FSTL5: variants seen among roughly 807,000 people sequenced by gnomAD.
The protein encoded by FSTL5 is follistatin-related protein 5.
FSTL5 carries 62 observed loss-of-function variants against 89.1 expected under a neutral mutation model. That is an observed-to-expected ratio of 0.70 (90% CI 0.57 to 0.86). The LOEUF (loss-of-function observed/expected upper bound fraction) is 0.86, where lower values mean the gene tolerates loss of function less well. Ranked by LOEUF, FSTL5 falls within the 40% of genes least tolerant of loss-of-function variation. The pLI is 0.00. For missense variants in FSTL5, 1,057 were observed against 1,001.6 expected (o/e 1.06, Z -0.75); for synonymous variants, 383 against 346.2 (o/e 1.11, Z -1.18).
At chr4:161,867,503 C>G (rs1414943445) in intron 4 of FSTL5, among the ~76,000 whole-genome samples, 1 of 151,558 alleles carries the variant, frequency 6.6e-6, no homozygotes, top group Non-Finnish European at 1.5e-5. Context: ...TAAAATACAT[C>G]AAAATTATAT....
chr4:161,702,755 T>C (rs1243274243), intron 6 of FSTL5, among the ~76,000 whole-genome samples: 3 of 152,258 alleles, frequency 2.0e-5, no homozygotes, highest in South Asian at 2.1e-4. Flanking sequence ...ACTTCACTTA[T>C]TGCTGAGCCT....
At chr4:161,646,727 T>C (rs1189833927) in intron 7 of FSTL5, among the ~76,000 whole-genome samples, 1 of 152,140 alleles carries the variant, frequency 6.6e-6, no homozygotes, top group African/African-American at 2.4e-5. Flanking sequence ...TTCAACAGAA[T>C]GCCTTGCTTT....
At chr4:161,771,651 C>T (rs1741214600) in intron 5 of FSTL5, among the ~76,000 whole-genome samples, 1 of 152,016 alleles carries the variant, frequency 6.6e-6, no homozygotes, top group Non-Finnish European at 1.5e-5. Context: ...CCATCTTAAT[C>T]TTTGTTGATG....
intron 6 of FSTL5, among the ~76,000 whole-genome samples, chr4:161,670,489 C>G (rs1737061277): frequency 6.6e-6 from 1 of 152,152 alleles, no homozygotes; most frequent in Non-Finnish European, 1.5e-5. Flanking sequence ...TCAGTCAGAG[C>G]TAAATTAATG....
Position 161,841,478 on chromosome 4 carries a change from T to C in FSTL5, c.410-65404A>G, listed in dbSNP as rs112710173. On this transcript the variant is annotated intron_variant, in intron 4 of 15. Coordinates refer to ENST00000306100, the MANE Select transcript of FSTL5 (RefSeq NM_020116.5). ...TGCTTTAAGGCTCCTTATATAATAT[T>C]TGGAATCAAAATCCCATAGATGGAC... 4.6e-3 allele frequency among the ~76,000 whole-genome samples: 700 copies of C among 152,256 alleles called. 5 individuals carry two copies. The highest frequency in any genetic ancestry group is 0.016 in the African/African-American group (653 of 41,540).
intron 7 of FSTL5, among the ~76,000 whole-genome samples, chr4:161,626,151 C>T (rs543066762): frequency 6.6e-6 from 1 of 152,134 alleles, no homozygotes; most frequent in Non-Finnish European, 1.5e-5. Context: ...AAGCTGACTA[C>T]ACTACACAAA....
intron 6 of FSTL5, among the ~76,000 whole-genome samples, chr4:161,687,643 T>C (rs1275217359): frequency 1.3e-5 from 2 of 152,184 alleles, no homozygotes; most frequent in African/African-American, 4.8e-5. Flanking sequence ...CTCACTCACA[T>C]CTTAATGGGG....
chr4:161,563,451 A>G (rs1237233522), intron 8 of FSTL5, among the ~76,000 whole-genome samples: 4 of 151,946 alleles, frequency 2.6e-5, no homozygotes, highest in East Asian at 1.9e-4. Flanking sequence ...CATTCTGACC[A>G]TCCGTTATTT....
intron 13 of FSTL5, among the ~76,000 whole-genome samples, chr4:161,470,361 C>T (rs1733894341): frequency 1.3e-5 from 2 of 151,384 alleles, no homozygotes; most frequent in South Asian, 4.2e-4. Flanking sequence ...GCCATTGCCC[C>T]ACTGAATGGT....
intron 2 of FSTL5, among the ~76,000 whole-genome samples, chr4:162,103,694 T>C (rs1731091468): frequency 6.6e-6 from 1 of 152,188 alleles, no homozygotes; most frequent in Non-Finnish European, 1.5e-5. Flanking sequence ...GACCACTTAC[T>C]GTCCCCTACT....
chr4:161,491,005 C>G (rs958346960), intron 12 of FSTL5, among the ~76,000 whole-genome samples: 7 of 152,072 alleles, frequency 4.6e-5, no homozygotes, highest in African/African-American at 1.7e-4. Flanking sequence ...CTTCATTTTA[C>G]ATGAAAACAG....
intron 4 of FSTL5, among the ~76,000 whole-genome samples, chr4:161,814,448 T>C (rs1291275695): frequency 2.6e-5 from 4 of 152,200 alleles, no homozygotes; most frequent in Non-Finnish European, 5.9e-5. Flanking sequence ...ATTTCAATGT[T>C]TGAACTGATT....
chr4:162,147,739 G>A (rs1375029921), intron 1 of FSTL5, among the ~76,000 whole-genome samples: 1 of 152,154 alleles, frequency 6.6e-6, no homozygotes, highest in Non-Finnish European at 1.5e-5. Flanking sequence ...TGGGCCAGGA[G>A]CGGTGGCTCA....
intron 4 of FSTL5, among the ~76,000 whole-genome samples, chr4:161,824,219 C>T (rs1039868142): frequency 6.6e-6 from 1 of 152,156 alleles, no homozygotes; most frequent in African/African-American, 2.4e-5. Flanking sequence ...CAGTTTCATT[C>T]TTCTACATGT....
At chr4:161,469,636 ATCTAT>A (rs1560910114) in intron 13 of FSTL5, among the ~76,000 whole-genome samples, 2 of 121,822 alleles carry the variant, frequency 1.6e-5, no homozygotes, top group Admixed American at 9.4e-5. Context: ...CACTTTATTT[ATCTAT>A]TTTTTTTTTT....
intron 12 of FSTL5, among the ~76,000 whole-genome samples, chr4:161,488,958 T>A (rs947477279): frequency 3.3e-5 from 5 of 152,162 alleles, no homozygotes; most frequent in African/African-American, 4.8e-5. Context: ...AATCACTTGA[T>A]CTTTCTCATT....
At chr4:161,470,246 T>C (rs1375149328) in intron 13 of FSTL5, among the ~76,000 whole-genome samples, 1 of 152,144 alleles carries the variant, frequency 6.6e-6, no homozygotes, top group Non-Finnish European at 1.5e-5. Flanking sequence ...TTTAGGTCTT[T>C]TATTAATTTT....
intron 2 of FSTL5, among the ~76,000 whole-genome samples, chr4:162,072,843 C>G (rs191915608): frequency 1.2e-4 from 18 of 151,872 alleles, no homozygotes; most frequent in Non-Finnish European, 5.9e-5. Context: ...AGATTACTCT[C>G]CCTAATTGGG....
chr4:161,882,796 T>C lies in FSTL5; in HGVS notation c.409+37608A>G, dbSNP rs144186232. 2.8e-4 allele frequency among the ~76,000 whole-genome samples: 43 copies of C among 152,276 alleles called. No individual in the cohort carries two copies. The East Asian group carries it at 7.7e-3, about 27-fold the overall frequency. On this transcript the variant is annotated intron_variant, in intron 4 of 15. Coordinates refer to ENST00000306100, the MANE Select transcript of FSTL5 (RefSeq NM_020116.5). ...TAATTATTTTACAGAACTCGAGTTG[T>C]CTTTCCAGCTGAGGAAAGAACCACA...
Sources: allele counts gnomAD v4.1 joint callset (sites outside exome capture counted in the v4.1 genomes callset), GRCh38; gene constraint gnomAD v4.1.1; transcripts MANE v1.5; gene names NCBI Gene and HGNC (gene_info 2026-07-23, HGNC 2026-07-21).